Variants in IFFO2 observed in about 807,000 individuals in gnomAD.
The protein encoded by IFFO2 is intermediate filament family orphan 2.
Under a neutral mutation model 53.5 loss-of-function variants are expected in IFFO2, and 19 were observed. That is an observed-to-expected ratio of 0.36 (90% CI 0.25 to 0.52). IFFO2 has a LOEUF of 0.52. Ranked by LOEUF, IFFO2 falls within the 20% of genes least tolerant of loss-of-function variation. The pLI, the probability that IFFO2 is intolerant of heterozygous loss-of-function variation, is 0.94. For missense variants in IFFO2, 570 were observed against 727.4 expected (o/e 0.78, Z 2.49); for synonymous variants, 303 against 313.6 (o/e 0.97, Z 0.36).
intron 1 of IFFO2, among the ~76,000 whole-genome samples, chr1:18,924,258 G>A (rs577649610): frequency 1.3e-5 from 2 of 152,336 alleles, no homozygotes; most frequent in South Asian, 2.1e-4. Context: ...CCAGACACCT[G>A]TATTCCCTGC....
At chr1:18,942,033 C>A (rs76748273) in intron 1 of IFFO2, among the ~76,000 whole-genome samples, 2,234 of 152,304 alleles carry the variant, frequency 0.015, 49 homozygotes, top group East Asian at 0.11. Context: ...GGCGGCTCTA[C>A]CGGGGAGAGG....
At position 18,916,672 on chromosome 1, in the gene IFFO2, T is replaced by C. The variant is rs912027846; in HGVS notation, c.1103+231A>G. Among the ~76,000 whole-genome samples the C allele has an allele frequency of 6.6e-6, 1 of 151,952 alleles. No homozygotes were observed. The highest frequency in any genetic ancestry group is 2.4e-5 in the African/African-American group (1 of 41,366). ...CTCCCAACTACTTGGGAGGCTGAGATGAAAGGATCCCTAAACCCAAGAGGT... is the reference window on the plus strand; with the variant it reads ...CTCCCAACTACTTGGGAGGCTGAGACGAAAGGATCCCTAAACCCAAGAGGT... On this transcript the variant is annotated intron_variant, in intron 5 of 8. Coordinates refer to ENST00000455833, the MANE Select transcript of IFFO2 (RefSeq NM_001136265.2). This position sits in a 1 kb window ranked among gnomAD's most constrained non-coding sequence, Gnocchi z 4.3.
At position 18,916,806 on chromosome 1, in the gene IFFO2, A is replaced by G; in HGVS notation, c.1103+97T>C. On this transcript the variant is annotated intron_variant, in intron 5 of 8. Coordinates refer to ENST00000455833, the MANE Select transcript of IFFO2 (RefSeq NM_001136265.2). This position sits in a 1 kb window ranked among gnomAD's most constrained non-coding sequence, Gnocchi z 4.3. ...AAAGGAAATGAATTCAAATTCTTCC[A>G]GTGCTGCAGGCTACTCTCAGCCCAA... 1 of 1,352,616 alleles carries G rather than the reference A, an allele frequency of 7.4e-7. No homozygotes were observed. Among genetic ancestry groups the G allele is most frequent in the East Asian group, 2.5e-5 (1 of 39,366 alleles). 83.8% of individuals were successfully genotyped at this position (1,352,616 alleles called of 1,614,324 possible).
intron 1 of IFFO2, among the ~76,000 whole-genome samples, chr1:18,927,958 C>T (rs1936325665): frequency 6.6e-6 from 1 of 152,208 alleles, no homozygotes; most frequent in Admixed American, 6.5e-5. Flanking sequence ...GAAAGAAAAT[C>T]CGATAAGGGA....
intron 1 of IFFO2, among the ~76,000 whole-genome samples, chr1:18,932,358 G>A (rs554046176): frequency 2.6e-5 from 4 of 152,326 alleles, no homozygotes; most frequent in East Asian, 3.9e-4. Flanking sequence ...GCTCCACTGC[G>A]CTATGGAAAT....
chr1:18,956,245 C>A lies in IFFO2; in HGVS notation c.88G>T (p.Gly30Cys), dbSNP rs1266303347. The A allele has an allele frequency of 5.4e-5, 64 of 1,174,584 alleles. No individual in the cohort carries two copies. Among genetic ancestry groups the A allele is most frequent in the Non-Finnish European group, 2.2e-6 (2 of 925,530 alleles). 72.8% of individuals were successfully genotyped at this position (1,174,584 alleles called of 1,614,324 possible). A position where few individuals can be genotyped will look rare whatever the true frequency, so the allele number is the denominator to read the frequency against. Residue 30 changes from glycine (G) to cysteine (C), a missense_variant, in exon 1 of 9, where the codon GGC (glycine) becomes TGC (cysteine). Transcript: ENST00000455833. The surrounding 1 kb of genome is among the most constrained non-coding windows in gnomAD (Gnocchi z 6.4). The part of the protein sequence containing the change: ...GGGGGCPGGG[G>C]GGGGAGPGPS... ...CCCGGCCCTGCCCCGCCGCCGCCGC[C>A]GCCCCCGCCAGGGCAGCCCCCGCCG...
At chr1:18,946,745 C>T (rs1005043077) in intron 1 of IFFO2, among the ~76,000 whole-genome samples, 5 of 152,106 alleles carry the variant, frequency 3.3e-5, no homozygotes, top group Non-Finnish European at 5.9e-5. Context: ...GGTGTCTTGG[C>T]CCAGTTCCCT....
intron 2 of IFFO2, among the ~76,000 whole-genome samples, chr1:18,920,646 C>T (rs746903770): frequency 1.6e-4 from 24 of 152,152 alleles, no homozygotes; most frequent in African/African-American, 5.6e-4. Flanking sequence ...AGCCCACCTG[C>T]GACGTGCCCA....
In IFFO2 at chr1:18,928,569, C is replaced by T. The variant is rs751073940; in HGVS notation, c.666-7448G>A. 1.4e-4 allele frequency among the ~76,000 whole-genome samples: 22 copies of T among 152,176 alleles called. No individual in the cohort carries two copies. Among genetic ancestry groups the T allele is most frequent in the African/African-American group, 2.2e-4 (9 of 41,446 alleles). On this transcript the variant is annotated intron_variant, in intron 1 of 8. Transcript: ENST00000455833. This position sits in a 1 kb window ranked among gnomAD's most constrained non-coding sequence, Gnocchi z 4.9. ...ACACAGAGCTGCTTTCAACCAGAAA[C>T]GGCAGCCTCCTCCAGGGATCCCAGC... is the stretch of plus-strand genomic sequence containing the variant.
At chr1:18,927,069 G>A (rs1350400409) in intron 1 of IFFO2, among the ~76,000 whole-genome samples, 1 of 152,178 alleles carries the variant, frequency 6.6e-6, no homozygotes, top group Non-Finnish European at 1.5e-5. Flanking sequence ...GGCCTCAGTT[G>A]TCCCCTCTGT....
chr1:18,920,218 C>A (rs1229577172), intron 2 of IFFO2, among the ~76,000 whole-genome samples: 2 of 152,120 alleles, frequency 1.3e-5, no homozygotes, highest in African/African-American at 4.8e-5. Flanking sequence ...GAAGGAGGAA[C>A]TGGAAATAAT....
intron 1 of IFFO2, among the ~76,000 whole-genome samples, chr1:18,940,306 A>G (rs1373157669): frequency 6.6e-6 from 1 of 152,100 alleles, no homozygotes; most frequent in Non-Finnish European, 1.5e-5. Flanking sequence ...GGACCTACAG[A>G]CCTGACTTTG....
At chr1:18,925,825 TGGA>T (rs1261354412) in intron 1 of IFFO2, among the ~76,000 whole-genome samples, 4 of 73,028 alleles carry the variant, frequency 5.5e-5, no homozygotes, top group African/African-American at 1.7e-4. Flanking sequence ...GATGGATGGA[TGGA>T]TGGATGGATG....
chr1:18,948,418 G>A (rs1936617924), intron 1 of IFFO2, among the ~76,000 whole-genome samples: 1 of 152,226 alleles, frequency 6.6e-6, no homozygotes, highest in African/African-American at 2.4e-5. Context: ...GCATAGTGAA[G>A]CTCAGACCAC....
intron 1 of IFFO2, 126 bp from the exon 2 acceptor site, chr1:18,921,247 T>C: frequency 1.2e-6 from 1 of 812,324 alleles, no homozygotes; most frequent in Non-Finnish European, 2.1e-6. Flanking sequence ...CATTGGGGCA[T>C]CCATCCCTGC....
chr1:18,934,392 A>G (rs1936419012), intron 1 of IFFO2, among the ~76,000 whole-genome samples: 1 of 152,110 alleles, frequency 6.6e-6, no homozygotes, highest in African/African-American at 2.4e-5. Context: ...CATTTAGCAT[A>G]ATATCCTCAA....
intron 5 of IFFO2, among the ~76,000 whole-genome samples, chr1:18,915,674 C>T (rs777514448): frequency 6.6e-6 from 1 of 152,120 alleles, no homozygotes; most frequent in Non-Finnish European, 1.5e-5. Flanking sequence ...GGGAGTGATA[C>T]CCCATCTCCT....
At chr1:18,924,617 G>A (rs895764167) in intron 1 of IFFO2, among the ~76,000 whole-genome samples, 2 of 152,192 alleles carry the variant, frequency 1.3e-5, no homozygotes, top group Non-Finnish European at 2.9e-5. Context: ...CTAGGAAGTG[G>A]CAGCGCCTGG....
intron 1 of IFFO2, among the ~76,000 whole-genome samples, chr1:18,950,234 T>C (rs1936643331): frequency 6.6e-6 from 1 of 152,144 alleles, no homozygotes. Flanking sequence ...CCCAACACCA[T>C]CTCTGGCGCC....
Sources: allele counts gnomAD v4.1 joint callset (sites outside exome capture counted in the v4.1 genomes callset), GRCh38; gene constraint gnomAD v4.1.1; non-coding constraint Gnocchi (gnomAD v3.1); transcripts MANE v1.5; gene names NCBI Gene and HGNC (gene_info 2026-07-23, HGNC 2026-07-21).